The following TASOR2 variants were observed in gnomAD, a reference collection of about 807,000 sequenced individuals.
TASOR2 encodes transcription activation suppressor family member 2, also known as protein TASOR 2.
Under a neutral mutation model 199.5 loss-of-function variants are expected in TASOR2, and 84 were observed. That is an observed-to-expected ratio of 0.42 (90% CI 0.35 to 0.50). The LOEUF (loss-of-function observed/expected upper bound fraction) is 0.50. Among genes scored for constraint, TASOR2 ranks in the 20% least tolerant of loss-of-function variants. The pLI, the probability that TASOR2 is intolerant of heterozygous loss-of-function variation, is 0.02. For missense variants in TASOR2, 2,796 were observed against 2,835.9 expected (o/e 0.99, Z 0.32); for synonymous variants, 1,103 against 1,046.6 (o/e 1.05, Z -1.04).
At position 5,720,629 on chromosome 10, in the gene TASOR2, G is replaced by C. The variant is rs1442655446; in HGVS notation, c.-14G>C. 1.2e-6 allele frequency: 2 copies of C among 1,614,004 alleles called. No homozygotes were observed. Among genetic ancestry groups the C allele is most frequent in the Non-Finnish European group, 1.7e-6 (2 of 1,179,988 alleles). On this transcript the variant is annotated 5_prime_UTR_variant, in exon 4 of 21. Coordinates refer to ENST00000328090, the Ensembl canonical transcript of TASOR2. The surrounding 1 kb of genome is among the most constrained non-coding windows in gnomAD (Gnocchi z 5.3). ...TATGTAATTGTAGCTTTTCGATACA[G>C]GGAATCTAAAACTATGGCACCACCA...
In TASOR2 at chr10:5,710,140, A is replaced by C. The variant is rs1287936996; in HGVS notation, c.-287-2683A>C. 6.6e-6 allele frequency among the ~76,000 whole-genome samples: 1 copy of C among 152,162 alleles called. No homozygotes were observed. Among genetic ancestry groups the C allele is most frequent in the Non-Finnish European group, 1.5e-5 (1 of 67,988 alleles). ...TGCACTGATTGGACTCTCAAATGAA[A>C]GTGTATTTTGTAAAGAAGGGAGAGC... On this transcript the variant is annotated intron_variant, in intron 1 of 20. Coordinates refer to ENST00000328090, the Ensembl canonical transcript of TASOR2. The surrounding 1 kb of genome is among the most constrained non-coding windows in gnomAD (Gnocchi z 4.6).
At chr10:5,747,957 A>C in exon 15 of TASOR2, 1 of 1,613,866 alleles carries the variant, frequency 6.2e-7, no homozygotes, top group Non-Finnish European at 8.5e-7. Context: ...ATGAGGGTTT[A>C]TCTTTCTCAG....
exon 15 of TASOR2, chr10:5,747,683 C>T: frequency 6.2e-7 from 1 of 1,614,198 alleles, no homozygotes; most frequent in Non-Finnish European, 8.5e-7. Flanking sequence ...CAGGCTGTGA[C>T]TCCATGCATT....
chr10:5,714,227 A>C lies in TASOR2; in HGVS notation c.-192+1309A>C, dbSNP rs1832306908. 1 of 1,226,562 alleles carries C rather than the reference A, an allele frequency of 8.2e-7. No homozygotes were observed. Among genetic ancestry groups the C allele is most frequent in the Non-Finnish European group, 1.0e-6 (1 of 983,068 alleles). The allele number at this position is 1,226,562 out of a possible 1,614,324, so 76.0% of individuals were successfully genotyped here. A position where few individuals can be genotyped will look rare whatever the true frequency, so the allele number is the denominator to read the frequency against. ...CCAAAGGTAAGTCCGTAAAGCAAAAAGAATCTTAAAAAAAAATCTTCTTTT... is the reference window on the plus strand; with the variant it reads ...CCAAAGGTAAGTCCGTAAAGCAAAACGAATCTTAAAAAAAAATCTTCTTTT... On this transcript the variant is annotated intron_variant, in intron 2 of 20. Transcript: ENST00000328090.
chr10:5,746,377 A>T (rs1837211517), exon 15 of TASOR2: 3 of 1,614,074 alleles, frequency 1.9e-6, no homozygotes, highest in Admixed American at 3.3e-5. Flanking sequence ...TGGGCCTGGC[A>T]GTCAGCCAGT....
chr10:5,723,043 C>CTTT lies in TASOR2; in HGVS notation c.147-610_147-608dup, dbSNP rs1183983010. 7.0e-3 allele frequency among the ~76,000 whole-genome samples: 509 copies of CTTT among 72,902 alleles called. 79 individuals are homozygous for CTTT. Among genetic ancestry groups the CTTT allele is most frequent in the East Asian group, 0.014 (27 of 1,958 alleles). The allele number at this position is 72,902 out of a possible 152,430, so 47.8% of individuals were successfully genotyped here. On this transcript the variant is annotated intron_variant, in intron 6 of 20. Transcript: ENST00000328090. ...AAAGGAAAAAGTAGTCAGGAAATAA[C>CTTT]TTTTTTTTTTTTTTTTTTTTTTTTT...
intron 1 of TASOR2, chr10:5,712,269 T>G: frequency 1.6e-6 from 1 of 629,786 alleles, no homozygotes; most frequent in Non-Finnish European, 2.3e-6. Context: ...GTTAAGACAG[T>G]ACAAATATTT....
In TASOR2 at chr10:5,751,081, T is replaced by G. The variant is rs1837971809; in HGVS notation, c.6606+1054T>G. 6.6e-6 allele frequency among the ~76,000 whole-genome samples: 1 copy of G among 152,266 alleles called. No homozygotes were observed. Among genetic ancestry groups the G allele is most frequent in the Non-Finnish European group, 1.5e-5 (1 of 68,052 alleles). On this transcript the variant is annotated intron_variant, in intron 15 of 20. Coordinates refer to ENST00000328090, the Ensembl canonical transcript of TASOR2. This position sits in a 1 kb window ranked among gnomAD's most constrained non-coding sequence, Gnocchi z 5.3. ...AGATATCATGTAGTGCTCTTGTCAG[T>G]GCATTCATTGTATCAGGAGGCACCC...
At chr10:5,743,271 G>A (rs930621331) in intron 14 of TASOR2, among the ~76,000 whole-genome samples, 2 of 152,128 alleles carry the variant, frequency 1.3e-5, no homozygotes, top group Non-Finnish European at 2.9e-5. Context: ...TATACCCGGG[G>A]TCACCGGGGA....
In TASOR2 at chr10:5,748,565, C is replaced by T. The variant is rs748695408; in HGVS notation, c.5144C>T (p.Pro1715Leu). Residue 1715 changes from proline to leucine, a missense_variant, in exon 15 of 21, where the codon CCT becomes CTT. This residue lies in a region of TASOR2 where 1,941 missense variants were observed against 1,924.9 expected (regional missense o/e 1.01). Coordinates refer to ENST00000328090, the Ensembl canonical transcript of TASOR2. The surrounding 1 kb of genome is among the most constrained non-coding windows in gnomAD (Gnocchi z 5.1). ...ACCACAGGTCCAGGCACTGCTGGCC[C>T]TCAGTCCAACACCACATCTTCTCTA... is the stretch of plus-strand genomic sequence containing the variant. 1.2e-6 allele frequency: 2 copies of T among 1,613,468 alleles called. No individual in the cohort carries two copies. The highest frequency in any genetic ancestry group is 1.1e-5 in the South Asian group (1 of 91,084).
rs11255067 is a variant in TASOR2 at position 5,762,307 on chromosome 10, T to A, written c.7175-225T>A. 3.9e-3 allele frequency among the ~76,000 whole-genome samples: 595 copies of A among 151,366 alleles called. 7 individuals carry two copies. Among genetic ancestry groups the A allele is most frequent in the African/African-American group, 0.014 (558 of 41,230 alleles). ...AAATTTACGTAAAGAACCATAGTTA[T>A]CATTTTTCAGGGATTTTTTTTCAGT... is the stretch of plus-strand genomic sequence containing the variant. On this transcript the variant is annotated intron_variant, in intron 19 of 20. Coordinates refer to ENST00000328090, the Ensembl canonical transcript of TASOR2.
rs935479207 is a variant in TASOR2 at position 5,699,103 on chromosome 10, A to G, written c.-287-13720A>G. On this transcript the variant is annotated intron_variant, in intron 1 of 20. Coordinates refer to ENST00000328090, the Ensembl canonical transcript of TASOR2. This position sits in a 1 kb window ranked among gnomAD's most constrained non-coding sequence, Gnocchi z 4.1. ...CAAATGTGCATCAGTTGATGGATAA[A>G]CAAAATGTAGTATATCCACAAAGTG... Among the ~76,000 whole-genome samples, 3 of 152,246 alleles carry G rather than the reference A, an allele frequency of 2.0e-5. No individual in the cohort carries two copies. Among genetic ancestry groups the G allele is most frequent in the Admixed American group, 1.3e-4 (2 of 15,282 alleles).
In TASOR2 at chr10:5,738,102, T is replaced by A. The variant is rs1835876542; in HGVS notation, c.1448-1516T>A. Among the ~76,000 whole-genome samples, 2 of 152,224 alleles carry A rather than the reference T, an allele frequency of 1.3e-5. No homozygotes were observed. The highest frequency in any genetic ancestry group is 6.5e-5 in the Admixed American group (1 of 15,278). ...CAGTTTGCAAATTACTGATTTAAAT[T>A]AGAATCAAATGATAATTTTGAAGTC... On this transcript the variant is annotated intron_variant, in intron 12 of 20. Transcript: ENST00000328090. This position sits in a 1 kb window ranked among gnomAD's most constrained non-coding sequence, Gnocchi z 4.7.
rs1410065050 is a variant in TASOR2 at position 5,685,706 on chromosome 10, G to C, written c.-288+531G>C. On this transcript the variant is annotated intron_variant, in intron 1 of 20. Transcript: ENST00000328090. This position sits in a 1 kb window ranked among gnomAD's most constrained non-coding sequence, Gnocchi z 5.4. The stretch of plus-strand genomic sequence containing the variant: ...CTTGGTGCGAGCAACACAGAAGTTT[G>C]TCTGAAGGCGGCGCCAAGCAGCGTT... Among the ~76,000 whole-genome samples, 1 of 152,222 alleles carries C rather than the reference G, an allele frequency of 6.6e-6. No homozygotes were observed. The highest frequency in any genetic ancestry group is 6.5e-5 in the Admixed American group (1 of 15,286).
rs546471459 is a variant in TASOR2 at position 5,709,145 on chromosome 10, T to C, written c.-287-3678T>C. Reference sequence around the variant, plus strand: ...TTTGTTTAATGAATATATATACAACTAATTTGGGGGAGGAGAGAGATTTTT... The same window carrying C: ...TTTGTTTAATGAATATATATACAACCAATTTGGGGGAGGAGAGAGATTTTT... On this transcript the variant is annotated intron_variant, in intron 1 of 20. Transcript: ENST00000328090. 3.3e-5 allele frequency among the ~76,000 whole-genome samples: 5 copies of C among 152,344 alleles called. No homozygotes were observed. In the East Asian group the frequency reaches 5.8e-4, roughly 18 times the overall value.
chr10:5,749,471 C>T (rs749803589), exon 15 of TASOR2: 2 of 1,614,142 alleles, frequency 1.2e-6, no homozygotes, highest in Non-Finnish European at 8.5e-7. Flanking sequence ...TCCATTGGTG[C>T]TTTCCCTTCG....
rs373485450 is a variant in TASOR2 at position 5,758,881 on chromosome 10, T to G, written c.6887-6T>G. 1.3e-6 allele frequency: 2 copies of G among 1,594,896 alleles called. No individual in the cohort carries two copies. The highest frequency in any genetic ancestry group is 4.5e-5 in the East Asian group (2 of 44,812). ...ATCTTCTTTTGCTACATTTATTGTT[T>G]TGTAGTTCAACTGAAGGAAATTATC... is the stretch of plus-strand genomic sequence containing the variant. On this transcript the variant is annotated splice_polypyrimidine_tract_variant and splice_region_variant and intron_variant, in intron 17 of 20. Transcript: ENST00000328090.
At chr10:5,721,038 C>T (rs1833296911) in intron 6 of TASOR2, 68 bp downstream of exon 7, 1 of 1,266,454 alleles carries the variant, frequency 7.9e-7, no homozygotes, top group Non-Finnish European at 1.1e-6. Flanking sequence ...TTTTCCTCAC[C>T]TCATTTCAAG....
chr10:5,702,592 G>C (rs998000752), intron 1 of TASOR2, among the ~76,000 whole-genome samples: 2 of 149,624 alleles, frequency 1.3e-5, no homozygotes, highest in African/African-American at 4.9e-5. Flanking sequence ...TTCTTTAATG[G>C]AAGAGTTTTT....
Sources: allele counts gnomAD v4.1 joint callset (sites outside exome capture counted in the v4.1 genomes callset), GRCh38; gene constraint gnomAD v4.1.1; regional missense constraint gnomAD v4.1.1; non-coding constraint Gnocchi (gnomAD v3.1); transcripts MANE v1.5; gene names NCBI Gene and HGNC (gene_info 2026-07-23, HGNC 2026-07-21).